CELF4: variants seen among roughly 807,000 people sequenced by gnomAD.
The protein encoded by CELF4 is CUG-BP- and ETR-3-like factor 4.
Under a neutral mutation model 59.9 loss-of-function variants are expected in CELF4, and 18 were observed. The observed-to-expected ratio is 0.30, with a 90% CI of 0.21 to 0.45. CELF4 has a LOEUF of 0.45. CELF4 is among the 20% of genes least tolerant of loss of function. The pLI, the probability that CELF4 is intolerant of heterozygous loss-of-function variation, is 1.00. For missense variants in CELF4, 456 were observed against 689.0 expected, an observed-to-expected ratio of 0.66 and a Z score of 3.79; for synonymous variants, 261 against 267.1, an observed-to-expected ratio of 0.98 and a Z score of 0.22.
intron 6 of CELF4, chr18:37,273,876 G>A (rs770596451): frequency 9.9e-7 from 1 of 1,012,982 alleles, no homozygotes. Context: ...GGTGTGTAGG[G>A]CTTTAGGGCA....
At chr18:37,436,032 T>A (rs2099690795) in intron 2 of CELF4, among the ~76,000 whole-genome samples, 2 of 152,042 alleles carry the variant, frequency 1.3e-5, no homozygotes, top group African/African-American at 4.8e-5. Context: ...AGGGGTGAGC[T>A]GGAGGCAGCA....
intron 8 of CELF4, among the ~76,000 whole-genome samples, chr18:37,269,975 G>A (rs1010490329): frequency 6.6e-6 from 1 of 152,146 alleles, no homozygotes; most frequent in Non-Finnish European, 1.5e-5. Context: ...TCCAGGAAGC[G>A]GGGCGGCACT....
At chr18:37,454,330 A>G (rs2099772235) in intron 2 of CELF4, among the ~76,000 whole-genome samples, 3 of 152,234 alleles carry the variant, frequency 2.0e-5, no homozygotes, top group Non-Finnish European at 4.4e-5. Context: ...GCTCTGTTCT[A>G]TGAAGGAGGC....
intron 2 of CELF4, among the ~76,000 whole-genome samples, chr18:37,331,987 A>C (rs72885311): frequency 6.6e-6 from 1 of 152,198 alleles, no homozygotes; most frequent in East Asian, 1.9e-4. Context: ...CTAGGACTGC[A>C]TTTGGAAAGA....
At chr18:37,308,613 C>T (rs1569555307) in intron 3 of CELF4, among the ~76,000 whole-genome samples, 4 of 152,182 alleles carry the variant, frequency 2.6e-5, no homozygotes, top group Admixed American at 6.5e-5. Context: ...TGTCTGTCAT[C>T]GCCCATCAGC....
At position 37,243,785 on chromosome 18, in the gene CELF4, T is replaced by A. The variant is rs1448024926; in HGVS notation, c.*1457A>T. 1.9e-5 allele frequency: 3 copies of A among 157,090 alleles called. No homozygotes were observed. Among genetic ancestry groups the A allele is most frequent in the African/African-American group, 7.2e-5 (3 of 41,558 alleles). 9.7% of individuals were successfully genotyped at this position (157,090 alleles called of 1,614,324 possible). ...TGTGTGTGTGTGTTGTCTAGTTGTT[T>A]TAAGATGAAAGTTCCCAGTTCTCCC... On this transcript the variant is annotated 3_prime_UTR_variant, in exon 13 of 13. Coordinates refer to ENST00000420428, the MANE Select transcript of CELF4 (RefSeq NM_020180.4).
intron 1 of CELF4, among the ~76,000 whole-genome samples, chr18:37,509,028 C>T (rs981042139): frequency 1.3e-5 from 2 of 152,196 alleles, no homozygotes; most frequent in East Asian, 1.9e-4. Flanking sequence ...AAAGCCCCAT[C>T]TCGATTGTTC....
intron 2 of CELF4, among the ~76,000 whole-genome samples, chr18:37,402,459 C>T (rs2099341699): frequency 6.6e-6 from 1 of 152,082 alleles, no homozygotes; most frequent in African/African-American, 2.4e-5. Context: ...CTTCTCTAAC[C>T]CCTTTGAGCC....
intron 3 of CELF4, among the ~76,000 whole-genome samples, chr18:37,320,973 T>C (rs2097095804): frequency 1.3e-5 from 2 of 152,142 alleles, no homozygotes; most frequent in South Asian, 4.1e-4. Context: ...TTCTTTGCCA[T>C]GTCCTTGCCT....
At chr18:37,398,975 A>G (rs975879849) in intron 2 of CELF4, among the ~76,000 whole-genome samples, 9 of 152,034 alleles carry the variant, frequency 5.9e-5, no homozygotes, top group Non-Finnish European at 1.3e-4. Context: ...TTGTCTTCCC[A>G]CCTGTGGGTG....
At chr18:37,525,479 G>A (rs2099962822) in intron 1 of CELF4, among the ~76,000 whole-genome samples, 1 of 152,044 alleles carries the variant, frequency 6.6e-6, no homozygotes, top group Admixed American at 6.6e-5. Context: ...CATAGGTTTG[G>A]GTTCTGTGTC....
intron 2 of CELF4, among the ~76,000 whole-genome samples, chr18:37,328,013 A>G (rs562814779): frequency 1.3e-5 from 2 of 152,286 alleles, no homozygotes; most frequent in African/African-American, 4.8e-5. Flanking sequence ...GCGTGTGTGC[A>G]TGTGTGTGAC....
At chr18:37,476,159 T>C (rs998566757) in intron 2 of CELF4, among the ~76,000 whole-genome samples, 8 of 152,250 alleles carry the variant, frequency 5.3e-5, no homozygotes, top group African/African-American at 1.9e-4. Flanking sequence ...CGCACACATG[T>C]GATTTTCATG....
chr18:37,272,170 G>T (rs2091560399), intron 7 of CELF4, among the ~76,000 whole-genome samples: 1 of 152,196 alleles, frequency 6.6e-6, no homozygotes, highest in Non-Finnish European at 1.5e-5. Context: ...AAGAGCCTGG[G>T]GTGCAGGACC....
At chr18:37,552,667 T>G (rs545781759) in intron 1 of CELF4, among the ~76,000 whole-genome samples, 2 of 152,174 alleles carry the variant, frequency 1.3e-5, no homozygotes, top group African/African-American at 4.8e-5. Flanking sequence ...AAGGGAGAAA[T>G]AAACCAAAGC....
At chr18:37,316,438 GGAACCCCA>G (rs891639714) in intron 3 of CELF4, among the ~76,000 whole-genome samples, 4 of 152,158 alleles carry the variant, frequency 2.6e-5, no homozygotes, top group South Asian at 4.2e-4. Context: ...CTACTTAATT[GGAACCCCA>G]GATCCTGGTG....
intron 3 of CELF4, among the ~76,000 whole-genome samples, chr18:37,310,917 C>T (rs940320614): frequency 6.6e-6 from 1 of 152,260 alleles, no homozygotes; most frequent in East Asian, 1.9e-4. Context: ...CCGGGCCAGA[C>T]GGTAGTGACA....
chr18:37,381,110 TCATC>T (rs373054331), intron 2 of CELF4, among the ~76,000 whole-genome samples: 16,931 of 134,458 alleles, frequency 0.13, 1,040 homozygotes, highest in African/African-American at 0.2. Flanking sequence ...CCATCCACCA[TCATC>T]CATCCATCCA....
At chr18:37,394,874 G>T (rs1603635164) in intron 2 of CELF4, among the ~76,000 whole-genome samples, 1 of 152,002 alleles carries the variant, frequency 6.6e-6, no homozygotes, top group African/African-American at 2.4e-5. Flanking sequence ...GGGTGCTCCA[G>T]CATCACTCCC....
Sources: allele counts gnomAD v4.1 joint callset (sites outside exome capture counted in the v4.1 genomes callset), GRCh38; gene constraint gnomAD v4.1.1; transcripts MANE v1.5; gene names NCBI Gene and HGNC (gene_info 2026-07-23, HGNC 2026-07-21).